BCAR3: variants seen among roughly 807,000 people sequenced by gnomAD.
BCAR3 encodes breast cancer anti-estrogen resistance protein 3.
Under a neutral mutation model 80.1 loss-of-function variants are expected in BCAR3, and 37 were observed. The observed-to-expected ratio is 0.46, with a 90% CI of 0.36 to 0.61. BCAR3 has a LOEUF of 0.61. Among genes scored for constraint, BCAR3 ranks in the 20% least tolerant of loss-of-function variants. The pLI is 0.00. For synonymous variants in BCAR3, 389 were observed against 418.9 expected, an observed-to-expected ratio of 0.93 and a Z score of 0.87; for missense variants, 978 against 1,068.2, an observed-to-expected ratio of 0.92 and a Z score of 1.18.
chr1:93,821,202 C>T (rs770051323), intron 2 of BCAR3, among the ~76,000 whole-genome samples: 1 of 152,106 alleles, frequency 6.6e-6, no homozygotes, highest in Non-Finnish European at 1.5e-5. Context: ...GAGGGTAAAT[C>T]GGCTGTCCTC....
intron 2 of BCAR3, among the ~76,000 whole-genome samples, chr1:93,836,800 A>G (rs1241840486): frequency 6.6e-6 from 1 of 152,074 alleles, no homozygotes; most frequent in Non-Finnish European, 1.5e-5. Flanking sequence ...CACCATTGTG[A>G]TTTGTTCCTG....
At chr1:93,737,753 A>T (rs201815922) in intron 2 of BCAR3, among the ~76,000 whole-genome samples, 1 of 152,238 alleles carries the variant, frequency 6.6e-6, no homozygotes, top group Admixed American at 6.5e-5. Context: ...TTGGAGAAAG[A>T]GTGAGGTATG....
intron 2 of BCAR3, among the ~76,000 whole-genome samples, chr1:93,842,399 G>A (rs968197324): frequency 1.4e-4 from 21 of 151,972 alleles, no homozygotes; most frequent in South Asian, 2.1e-4. Context: ...CAATCCACCC[G>A]CCTCAGCCTC....
intron 3 of BCAR3, chr1:93,614,131 CCACTCG>C (rs1166588214): frequency 1.5e-5 from 20 of 1,362,198 alleles, no homozygotes; most frequent in Non-Finnish European, 1.9e-5. Context: ...CCAATACGAT[CCACTCG>C]CTCAATTCTC....
intron 2 of BCAR3, among the ~76,000 whole-genome samples, chr1:93,738,874 CTT>C (rs2100693484): frequency 6.6e-6 from 1 of 152,242 alleles, no homozygotes; most frequent in East Asian, 1.9e-4. Flanking sequence ...AGTTAGGACC[CTT>C]CAGGTGAACA....
chr1:93,738,768 G>A (rs1481985992), intron 2 of BCAR3, among the ~76,000 whole-genome samples: 1 of 152,162 alleles, frequency 6.6e-6, no homozygotes, highest in Admixed American at 6.5e-5. Context: ...GTGGGGCGGG[G>A]GGTGCCAGGG....
intron 2 of BCAR3, chr1:93,775,570 A>T (rs935925218): frequency 6.6e-6 from 1 of 152,190 alleles, no homozygotes; most frequent in Admixed American, 6.5e-5. Context: ...TTCATTTTCT[A>T]TATGTGTTCA....
At chr1:93,651,263 G>A (rs879661800) in intron 2 of BCAR3, among the ~76,000 whole-genome samples, 6 of 152,116 alleles carry the variant, frequency 3.9e-5, no homozygotes, top group East Asian at 1.9e-4. Flanking sequence ...AGGGACCTAC[G>A]GGGAGGAAGA....
chr1:93,680,417 C>T (rs1357348880), intron 1 of BCAR3, among the ~76,000 whole-genome samples: 1 of 152,152 alleles, frequency 6.6e-6, no homozygotes, highest in East Asian at 1.9e-4. Context: ...AAGCGCTTTG[C>T]CTGTGGGCTT....
At chr1:93,610,063 A>C (rs576880695) in intron 3 of BCAR3, among the ~76,000 whole-genome samples, 1 of 152,386 alleles carries the variant, frequency 6.6e-6, no homozygotes, top group African/African-American at 2.4e-5. Context: ...ATTACAGCAG[A>C]GATCCCCACT....
chr1:93,629,996 C>T (rs1017377384), intron 3 of BCAR3, among the ~76,000 whole-genome samples: 7 of 152,204 alleles, frequency 4.6e-5, no homozygotes, highest in Non-Finnish European at 1.0e-4. Context: ...GCATTACCTG[C>T]TTTGCAAAAT....
At chr1:93,686,546 A>G (rs1011879593), upstream of BCAR3, among the ~76,000 whole-genome samples, 8 of 152,222 alleles carry the variant, frequency 5.3e-5, no homozygotes, top group South Asian at 2.1e-4. Flanking sequence ...TACTTGCCCC[A>G]TTTCACAAAT....
chr1:93,643,211 G>C (rs1429612880), intron 2 of BCAR3, among the ~76,000 whole-genome samples: 1 of 132,366 alleles, frequency 7.6e-6, no homozygotes, highest in East Asian at 2.3e-4. Context: ...TGGGCAACAA[G>C]AGTGAAACTC....
intron 3 of BCAR3, among the ~76,000 whole-genome samples, chr1:93,705,374 C>T (rs530228363): frequency 2.0e-5 from 3 of 152,288 alleles, no homozygotes; most frequent in South Asian, 2.1e-4. Flanking sequence ...ACTGACAGAC[C>T]TCCCAGGGAG....
At chr1:93,640,013 A>G (rs1675929200) in intron 3 of BCAR3, among the ~76,000 whole-genome samples, 1 of 152,130 alleles carries the variant, frequency 6.6e-6, no homozygotes, top group Non-Finnish European at 1.5e-5. Flanking sequence ...TTTATGACAC[A>G]ACATAATTCA....
chr1:93,726,286 T>A (rs1159946302), intron 2 of BCAR3, among the ~76,000 whole-genome samples: 1 of 152,164 alleles, frequency 6.6e-6, no homozygotes, highest in Non-Finnish European at 1.5e-5. Flanking sequence ...TTGCCAAGGC[T>A]GGTCTCAGAC....
intron 3 of BCAR3, among the ~76,000 whole-genome samples, chr1:93,637,588 G>C (rs1463204410): frequency 6.6e-6 from 1 of 152,142 alleles, no homozygotes; most frequent in Admixed American, 6.5e-5. Context: ...AGGTTGAAAG[G>C]GGGTTACAGA....
chr1:93,668,399 C>A (rs749549046), intron 2 of BCAR3, among the ~76,000 whole-genome samples: 1 of 152,182 alleles, frequency 6.6e-6, no homozygotes, highest in Non-Finnish European at 1.5e-5. Context: ...CCAGGAGCAG[C>A]GCAAGATGCA....
In BCAR3 at chr1:93,562,034, A is replaced by G; in HGVS notation, c.*207T>C. Reference sequence around the variant, plus strand: ...ATTAGCAGTAGTTACCTTAATAATAAATTATTCATTTTAAAATCAGTAGTA... The same window carrying G: ...ATTAGCAGTAGTTACCTTAATAATAGATTATTCATTTTAAAATCAGTAGTA... On this transcript the variant is annotated 3_prime_UTR_variant, in exon 12 of 12. Coordinates refer to ENST00000260502, the MANE Select transcript of BCAR3 (RefSeq NM_003567.4). The G allele has an allele frequency of 2.3e-6, 1 of 438,206 alleles. No individual in the cohort carries two copies. Among genetic ancestry groups the G allele is most frequent in the South Asian group, 7.6e-5 (1 of 13,158 alleles). The allele number at this position is 438,206 out of a possible 1,614,324, so 27.1% of individuals were successfully genotyped here.
Sources: gnomAD v4.1 joint callset for allele counts (sites outside exome capture counted in the v4.1 genomes callset) on GRCh38, gnomAD v4.1.1 for gene constraint, MANE v1.5 for transcripts, NCBI Gene and HGNC (gene_info 2026-07-23, HGNC 2026-07-21) for gene names.